Variants in CDH18 observed in about 807,000 individuals in gnomAD.
CDH18 encodes the protein cadherin-18.
In CDH18, 31 loss-of-function variants were observed where a neutral mutation model predicts 67.9. The ratio of observed to expected loss-of-function variants is 0.46; its 90% CI spans 0.34 to 0.62. The LOEUF (loss-of-function observed/expected upper bound fraction) is 0.62. Among genes scored for constraint, CDH18 ranks in the 20% least tolerant of loss-of-function variants. CDH18 has a pLI of 0.01. For synonymous variants in CDH18, 362 were observed against 347.2 expected (o/e 1.04, Z -0.48); for missense variants, 890 against 975.5 (o/e 0.91, Z 1.17).
At chr5:19,531,484 G>C (rs887808864) in intron 9 of CDH18, among the ~76,000 whole-genome samples, 1 of 152,112 alleles carries the variant, frequency 6.6e-6, no homozygotes, top group Non-Finnish European at 1.5e-5. Flanking sequence ...ACTGCTGATG[G>C]TAATGCAAAG....
chr5:19,689,425 A>C (rs2121485), intron 5 of CDH18, among the ~76,000 whole-genome samples: 85,183 of 151,612 alleles, frequency 0.56, 27,096 homozygotes, highest in East Asian at 0.74. Flanking sequence ...ATTACTATAC[A>C]CAGCAAAGTT....
At chr5:19,838,361 C>A (rs1261603826) in intron 3 of CDH18, among the ~76,000 whole-genome samples, 6 of 151,962 alleles carry the variant, frequency 3.9e-5, no homozygotes, top group African/African-American at 1.5e-4. Context: ...TGTGCAGGAG[C>A]AATATGTGAA....
chr5:19,505,504 T>C (rs1413339738), intron 10 of CDH18, among the ~76,000 whole-genome samples: 3 of 152,124 alleles, frequency 2.0e-5, no homozygotes, highest in African/African-American at 7.2e-5. Context: ...CAATACCTAA[T>C]TTATTGAGAG....
intron 1 of CDH18, among the ~76,000 whole-genome samples, chr5:20,351,000 T>C (rs979723741): frequency 3.9e-5 from 6 of 152,118 alleles, no homozygotes; most frequent in African/African-American, 1.2e-4. Flanking sequence ...AACTTTTTCA[T>C]ACTCATTTTC....
At chr5:20,512,509 C>T (rs1444034601) in intron 1 of CDH18, among the ~76,000 whole-genome samples, 3 of 152,166 alleles carry the variant, frequency 2.0e-5, no homozygotes, top group South Asian at 4.1e-4. Context: ...AAGTAAAATT[C>T]ATGCTGTATT....
intron 11 of CDH18, among the ~76,000 whole-genome samples, chr5:19,491,165 C>CTT (rs1741404792): frequency 6.6e-6 from 1 of 152,108 alleles, no homozygotes; most frequent in African/African-American, 2.4e-5. Context: ...AAAGGAGAGC[C>CTT]ACTGTAGAAT....
chr5:20,448,786 A>C (rs1407454659), intron 1 of CDH18, among the ~76,000 whole-genome samples: 1 of 152,146 alleles, frequency 6.6e-6, no homozygotes, highest in Non-Finnish European at 1.5e-5. Flanking sequence ...GAAAGGGAGT[A>C]AACTTATGAA....
At chr5:19,753,060 A>G (rs960186599) in intron 3 of CDH18, among the ~76,000 whole-genome samples, 2 of 152,154 alleles carry the variant, frequency 1.3e-5, no homozygotes, top group Non-Finnish European at 2.9e-5. Flanking sequence ...TCCCTCTGAC[A>G]TAACCTACCC....
At chr5:20,395,013 T>C (rs997319776) in intron 1 of CDH18, among the ~76,000 whole-genome samples, 1 of 152,138 alleles carries the variant, frequency 6.6e-6, no homozygotes, top group Admixed American at 6.5e-5. Flanking sequence ...TAGTACAGCA[T>C]TTGTGGAAAA....
intron 1 of CDH18, among the ~76,000 whole-genome samples, chr5:20,256,205 G>A (rs552142179): frequency 7.9e-5 from 12 of 151,920 alleles, no homozygotes; most frequent in Middle Eastern, 3.4e-3. Flanking sequence ...TCATTGGATC[G>A]AAGTGTTAAC....
At chr5:19,966,863 TA>T (rs1481868716) in intron 2 of CDH18, among the ~76,000 whole-genome samples, 5 of 151,974 alleles carry the variant, frequency 3.3e-5, no homozygotes, top group Non-Finnish European at 5.9e-5. Flanking sequence ...TATTTTAAAA[TA>T]AAACATAATA....
At chr5:19,666,489 A>T (rs896670934) in intron 5 of CDH18, among the ~76,000 whole-genome samples, 2 of 151,958 alleles carry the variant, frequency 1.3e-5, no homozygotes, top group Non-Finnish European at 2.9e-5. Context: ...ATCCTGGGGG[A>T]ATAGATAAAA....
rs575145249 is a variant in CDH18, at chr5:20,526,747, T to A, written c.-580+48715A>T. ...CAAAAATGACCCCACGAAAATGCCA[T>A]CCAAAGGTCAGCAGCTTCAAAGATC... On this transcript the variant is annotated intron_variant, in intron 1 of 14. Transcript: ENST00000507958. Among the ~76,000 whole-genome samples, 3 of 151,960 alleles carry A rather than the reference T, an allele frequency of 2.0e-5. No homozygotes were observed. The South Asian group carries it at 6.2e-4, about 32-fold the overall frequency.
chr5:19,990,782 A>AAAGAAG (rs368901759), upstream of CDH18, among the ~76,000 whole-genome samples: 200 of 147,560 alleles, frequency 1.4e-3, 2 homozygotes, highest in African/African-American at 4.9e-3. Flanking sequence ...ACACAAAAGA[A>AAAGAAG]AAGAAGAAGA....
chr5:20,548,835 T>G (rs1703042), intron 1 of CDH18, among the ~76,000 whole-genome samples: 106,956 of 151,960 alleles, frequency 0.7, 37,997 homozygotes, highest in East Asian at 0.98. Flanking sequence ...CAGGTAGCTA[T>G]GGGTGATGAA....
At chr5:19,550,364 T>G (rs1196157787) in intron 8 of CDH18, among the ~76,000 whole-genome samples, 1 of 152,070 alleles carries the variant, frequency 6.6e-6, no homozygotes, top group African/African-American at 2.4e-5. Flanking sequence ...CTGCACCCAT[T>G]AACTCGTCAT....
intron 1 of CDH18, among the ~76,000 whole-genome samples, chr5:20,423,991 A>G (rs1748078472): frequency 6.7e-6 from 1 of 149,462 alleles, no homozygotes. Flanking sequence ...GAAATAGAAA[A>G]AAAGTAACAA....
intron 1 of CDH18, among the ~76,000 whole-genome samples, chr5:20,296,676 TTATAA>T (rs1332005773): frequency 1.3e-5 from 2 of 151,958 alleles, no homozygotes; most frequent in African/African-American, 4.8e-5. Context: ...AAACTACAGT[TTATAA>T]TATATGTAAT....
At chr5:19,616,905 T>C (rs1749926415) in intron 5 of CDH18, among the ~76,000 whole-genome samples, 1 of 152,174 alleles carries the variant, frequency 6.6e-6, no homozygotes, top group African/African-American at 2.4e-5. Context: ...TTGCAAGCAC[T>C]GAGAGGAGGA....
Sources: allele counts gnomAD v4.1 joint callset (sites outside exome capture counted in the v4.1 genomes callset), GRCh38; gene constraint gnomAD v4.1.1; transcripts MANE v1.5; gene names NCBI Gene and HGNC (gene_info 2026-07-23, HGNC 2026-07-21).